TBC1D12: variants seen among roughly 807,000 people sequenced by gnomAD.
TBC1D12 encodes TBC1 domain family, member 12.
TBC1D12 carries 56 observed loss-of-function variants against 86.7 expected under a neutral mutation model. The ratio of observed to expected loss-of-function variants is 0.65; its 90% CI spans 0.52 to 0.81. The LOEUF (loss-of-function observed/expected upper bound fraction) is 0.81. Among genes scored for constraint, TBC1D12 ranks in the 30% least tolerant of loss-of-function variants. TBC1D12 has a pLI of 0.00. For synonymous variants in TBC1D12, 421 were observed against 411.7 expected, an observed-to-expected ratio of 1.02 and a Z score of -0.27; for missense variants, 1,023 against 1,038.8, an observed-to-expected ratio of 0.98 and a Z score of 0.21.
intron 1 of TBC1D12, among the ~76,000 whole-genome samples, chr10:94,418,061 G>A (rs1350842663): frequency 6.6e-6 from 1 of 152,022 alleles, no homozygotes; most frequent in Non-Finnish European, 1.5e-5. Flanking sequence ...GCCCATGTAT[G>A]TCTCTTCTAC....
At chr10:94,532,103 A>G (rs1203039950) in intron 12 of TBC1D12, among the ~76,000 whole-genome samples, 3 of 150,950 alleles carry the variant, frequency 2.0e-5, no homozygotes, top group Admixed American at 6.6e-5. Flanking sequence ...GATTGTCTCA[A>G]TCTCCTGACC....
chr10:94,434,925 A>G (rs2055274138), intron 1 of TBC1D12, among the ~76,000 whole-genome samples: 1 of 152,166 alleles, frequency 6.6e-6, no homozygotes, highest in South Asian at 2.1e-4. Context: ...ACCTCCAAAT[A>G]CTGTTGCATT....
At chr10:94,531,894 A>ATGT (rs1842442026) in intron 12 of TBC1D12, among the ~76,000 whole-genome samples, 1 of 149,342 alleles carries the variant, frequency 6.7e-6, no homozygotes, top group South Asian at 2.1e-4. Context: ...ATGTTATGTT[A>ATGT]TGTTATGTTA....
Position 94,521,943 on chromosome 10 carries a change from C to A in TBC1D12, c.1762-12C>A, listed in dbSNP as rs755622611. On this transcript the variant is annotated splice_polypyrimidine_tract_variant and intron_variant, in intron 9 of 12. Transcript: ENST00000225235. ...GTAAGTCCATTTTGACTAAATTTTTCTCCCTTTGAAGGTCCAAGGGATGTC... is the reference window on the plus strand; with the variant it reads ...GTAAGTCCATTTTGACTAAATTTTTATCCCTTTGAAGGTCCAAGGGATGTC... 1.9e-6 allele frequency: 3 copies of A among 1,564,724 alleles called. No individual in the cohort carries two copies. Among genetic ancestry groups the A allele is most frequent in the South Asian group, 2.4e-5 (2 of 83,842 alleles).
chr10:94,490,118 G>T (rs1219692677), intron 3 of TBC1D12, among the ~76,000 whole-genome samples: 2 of 152,102 alleles, frequency 1.3e-5, no homozygotes, highest in African/African-American at 2.4e-5. Context: ...AGGCATGATG[G>T]CAGGCATCTG....
At chr10:94,444,883 C>T (rs1394172529) in intron 2 of TBC1D12, among the ~76,000 whole-genome samples, 2 of 151,280 alleles carry the variant, frequency 1.3e-5, no homozygotes, top group Non-Finnish European at 3.0e-5. Context: ...AGGCGCCCGC[C>T]GCCACGCCTG....
chr10:94,461,161 G>C (rs1212318330), intron 2 of TBC1D12, among the ~76,000 whole-genome samples: 1 of 152,100 alleles, frequency 6.6e-6, no homozygotes, highest in East Asian at 1.9e-4. Context: ...TAAATGTGGT[G>C]GGTAAAAGGA....
At chr10:94,433,587 A>G (rs538519537) in intron 1 of TBC1D12, among the ~76,000 whole-genome samples, 1 of 152,334 alleles carries the variant, frequency 6.6e-6, no homozygotes, top group Admixed American at 6.5e-5. Flanking sequence ...TACAATATCT[A>G]ATTGTAGGTA....
rs1418209235 is a variant in TBC1D12, at chr10:94,442,100, AAACT to A, written c.1095+85_1095+88del. ...TCTTCTTCTTTTTTTTTTTTTTTTT[AAACT>A]AACCATATTCTATTTTTATTCTTAT... On this transcript the variant is annotated intron_variant, in intron 2 of 12. Transcript: ENST00000225235. 6.8e-6 allele frequency: 7 copies of A among 1,022,388 alleles called. No individual in the cohort carries two copies. The African/African-American group carries it at 1.1e-4, about 16-fold the overall frequency. The allele number at this position is 1,022,388 out of a possible 1,614,324, so 63.3% of individuals were successfully genotyped here. A position where few individuals can be genotyped will look rare whatever the true frequency, so the allele number is the denominator to read the frequency against.
intron 9 of TBC1D12, among the ~76,000 whole-genome samples, chr10:94,521,147 T>G (rs1334708494): frequency 6.7e-6 from 1 of 149,770 alleles, no homozygotes; most frequent in Non-Finnish European, 1.5e-5. Context: ...GAGGCAGAGG[T>G]TGCAGTGAGA....
intron 12 of TBC1D12, among the ~76,000 whole-genome samples, chr10:94,532,301 C>T (rs956946896): frequency 2.0e-5 from 3 of 151,996 alleles, no homozygotes; most frequent in African/African-American, 7.3e-5. Context: ...CTGCAGTCTC[C>T]CGAGTAGCTG....
At chr10:94,488,608 TC>T (rs201756993) in intron 3 of TBC1D12, among the ~76,000 whole-genome samples, 4,432 of 151,514 alleles carry the variant, frequency 0.029, 102 homozygotes, top group South Asian at 0.044. Context: ...GCCAGGCTGG[TC>T]TTGAACTCCT....
chr10:94,465,995 T>C (rs1039856308), intron 2 of TBC1D12, among the ~76,000 whole-genome samples: 1 of 151,762 alleles, frequency 6.6e-6, no homozygotes, highest in African/African-American at 2.4e-5. Context: ...TATATGAAGT[T>C]TTTATCTGAC....
chr10:94,501,096 G>GCATA (rs1554946912), intron 6 of TBC1D12, among the ~76,000 whole-genome samples: 2 of 148,850 alleles, frequency 1.3e-5, no homozygotes, highest in African/African-American at 2.5e-5. Flanking sequence ...ATGAATGAAT[G>GCATA]AATAAATAAA....
intron 5 of TBC1D12, among the ~76,000 whole-genome samples, chr10:94,499,115 C>G (rs549852495): frequency 2.0e-5 from 3 of 152,294 alleles, no homozygotes; most frequent in Admixed American, 1.3e-4. Flanking sequence ...ATGATTAAAT[C>G]AAGCTAATTA....
intron 2 of TBC1D12, among the ~76,000 whole-genome samples, chr10:94,451,408 G>T (rs1054409439): frequency 6.6e-6 from 1 of 152,046 alleles, no homozygotes; most frequent in African/African-American, 2.4e-5. Context: ...ATTCTGATTT[G>T]CAAACACATT....
intron 2 of TBC1D12, among the ~76,000 whole-genome samples, chr10:94,449,539 T>G (rs951108841): frequency 6.6e-6 from 1 of 152,192 alleles, no homozygotes; most frequent in African/African-American, 2.4e-5. Context: ...TGTAAGAGAC[T>G]CTATCTTGGG....
In TBC1D12 at chr10:94,402,791, G is replaced by C. The variant is rs560424908; in HGVS notation, c.178G>C (p.Glu60Gln). 1 of 1,539,212 alleles carries C rather than the reference G, an allele frequency of 6.5e-7. No individual in the cohort carries two copies. Among genetic ancestry groups the C allele is most frequent in the Non-Finnish European group, 8.8e-7 (1 of 1,141,362 alleles). The change falls in exon 1 of 13, where the codon GAG becomes CAG. Residue 60 changes from glutamate (E) to glutamine (Q), a missense_variant. By Grantham distance (29) the Glu-to-Gln change is conservative. Around this residue, in one of 2 missense-constraint regions of TBC1D12, gnomAD observed 628 missense variants for 531.1 expected, o/e 1.18. Coordinates refer to ENST00000225235, the MANE Select transcript of TBC1D12 (RefSeq NM_015188.2). ...GGCTGACGAGGAGGAGGAGGCTGACGAGGAGGAGGAGACGCCGCCTCGGCA... is the reference window on the plus strand; with the variant it reads ...GGCTGACGAGGAGGAGGAGGCTGACCAGGAGGAGGAGACGCCGCCTCGGCA... ...EEADEEEEADEEEETPPRQLL... is the reference protein window; with the variant it reads ...EEADEEEEADQEEETPPRQLL...
chr10:94,435,507 C>T (rs538351444), intron 1 of TBC1D12, among the ~76,000 whole-genome samples: 1 of 151,834 alleles, frequency 6.6e-6, no homozygotes, highest in Non-Finnish European at 1.5e-5. Context: ...ATTTGTTTTC[C>T]CTCTTTCTGC....
Sources: gnomAD v4.1 joint callset for allele counts (sites outside exome capture counted in the v4.1 genomes callset) on GRCh38, gnomAD v4.1.1 for gene constraint, gnomAD v4.1.1 regional missense constraint, MANE v1.5 for transcripts, NCBI Gene and HGNC (gene_info 2026-07-23, HGNC 2026-07-21) for gene names.